OTOGL: variants seen among roughly 807,000 people sequenced by gnomAD.
OTOGL encodes the protein otogelin-like protein.
Under a neutral mutation model 318.5 loss-of-function variants are expected in OTOGL, and 285 were observed. The ratio of observed to expected loss-of-function variants is 0.89; its 90% CI spans 0.81 to 0.99. The LOEUF (loss-of-function observed/expected upper bound fraction) is 0.99, where lower values mean the gene tolerates loss of function less well. OTOGL is among the 50% of genes least tolerant of loss of function. The pLI, the probability that OTOGL is intolerant of heterozygous loss-of-function variation, is 0.00. For missense variants in OTOGL, 2,899 were observed against 2,845.6 expected (o/e 1.02, Z -0.43); for synonymous variants, 987 against 936.5 (o/e 1.05, Z -0.99).
At chr12:80,312,340 C>A (rs1886688827) in intron 30 of OTOGL, among the ~76,000 whole-genome samples, 2 of 152,064 alleles carry the variant, frequency 1.3e-5, no homozygotes, top group East Asian at 3.8e-4. Flanking sequence ...AAGAGATTTG[C>A]AAAAATGTAA....
At chr12:80,198,561 C>T (rs546495257) in intron 1 of OTOGL, among the ~76,000 whole-genome samples, 19 of 152,074 alleles carry the variant, frequency 1.2e-4, no homozygotes, top group Admixed American at 5.9e-4. Context: ...TCCAGCTTGG[C>T]GACAGAGCAA....
At chr12:80,191,128 T>C (rs1157500336) in intron 1 of OTOGL, among the ~76,000 whole-genome samples, 1 of 152,184 alleles carries the variant, frequency 6.6e-6, no homozygotes, top group African/African-American at 2.4e-5. Flanking sequence ...TTATTTTTCA[T>C]ATTGTGACTT....
Position 80,352,424 on chromosome 12 carries a change from C to G in OTOGL, c.5395C>G (p.Pro1799Ala), listed in dbSNP as rs532837612. The change falls in exon 45 of 59, where the codon CCT (proline) becomes GCT (alanine). Residue 1799 changes from proline to alanine, a missense_variant. Physicochemically the swap from Pro to Ala is conservative, Grantham distance 27. Transcript: ENST00000547103. ...KFDICIQWRTPDYCSLSCPEG... is the reference protein window; with the variant it reads ...KFDICIQWRTADYCSLSCPEG... ...TGATATCTGTATTCAGTGGAGAACA[C>G]CTGATTACTGCTGTGAGTAACTGTT... The G allele has an allele frequency of 9.4e-6, 15 of 1,596,304 alleles. No homozygotes were observed. Among genetic ancestry groups the G allele is most frequent in the Non-Finnish European group, 8.5e-7 (1 of 1,174,160 alleles).
intron 26 of OTOGL, among the ~76,000 whole-genome samples, chr12:80,282,842 A>G (rs905463543): frequency 4.6e-5 from 7 of 151,834 alleles, no homozygotes; most frequent in African/African-American, 1.7e-4. Flanking sequence ...CTTTCTGGAT[A>G]TTATGATTCT....
chr12:80,377,554 C>T (rs1395329048), intron 58 of OTOGL, among the ~76,000 whole-genome samples: 1 of 152,060 alleles, frequency 6.6e-6, no homozygotes, highest in Non-Finnish European at 1.5e-5. Flanking sequence ...TGATATGACA[C>T]AGGTTACAAT....
At chr12:80,323,942 A>G (rs1382066761) in intron 35 of OTOGL, 102 bp downstream of exon 35, 28 of 789,010 alleles carry the variant, frequency 3.5e-5, no homozygotes, top group Non-Finnish European at 5.8e-5. Flanking sequence ...CTCAAGTTGT[A>G]TATGCTATAT....
intron 1 of OTOGL, among the ~76,000 whole-genome samples, chr12:80,139,803 G>A (rs1210894202): frequency 6.6e-6 from 1 of 152,094 alleles, no homozygotes; most frequent in African/African-American, 2.4e-5. Flanking sequence ...ATTATGCCTA[G>A]GAGTAGTGTG....
chr12:80,376,987 T>C, intron 57 of OTOGL, 136 bp from the exon 58 acceptor site: 1 of 521,122 alleles, frequency 1.9e-6, no homozygotes, highest in South Asian at 5.2e-5. Flanking sequence ...AGAGAGAAGT[T>C]TTAAATATCT....
intron 1 of OTOGL, among the ~76,000 whole-genome samples, chr12:80,138,516 T>A (rs1349138486): frequency 6.6e-6 from 1 of 152,128 alleles, no homozygotes; most frequent in Non-Finnish European, 1.5e-5. Flanking sequence ...TTAATAGGAA[T>A]GGGGAGAGTG....
At chr12:80,232,687 TG>T (rs1879475597) in intron 8 of OTOGL, among the ~76,000 whole-genome samples, 1 of 152,238 alleles carries the variant, frequency 6.6e-6, no homozygotes, top group Non-Finnish European at 1.5e-5. Flanking sequence ...GCATCATTTT[TG>T]TTGTGTCTTT....
At chr12:80,273,754 C>A (rs1883586286) in intron 24 of OTOGL, among the ~76,000 whole-genome samples, 1 of 152,024 alleles carries the variant, frequency 6.6e-6, no homozygotes, top group East Asian at 1.9e-4. Context: ...TGTGTGGCAA[C>A]CCTGCATCAA....
intron 1 of OTOGL, among the ~76,000 whole-genome samples, chr12:80,101,105 G>A (rs1194215381): frequency 1.3e-5 from 2 of 152,148 alleles, no homozygotes; most frequent in East Asian, 3.9e-4. Flanking sequence ...TTAAAAAAGT[G>A]AGCTTCTGTT....
rs1217365799 is a variant in OTOGL at position 80,336,492 on chromosome 12, T to C, written c.4680T>C (p.Tyr1560=). 6.2e-7 allele frequency: 1 copy of C among 1,608,502 alleles called. No individual in the cohort carries two copies. The highest frequency in any genetic ancestry group is 8.5e-7 in the Non-Finnish European group (1 of 1,175,480). Residue 1560 remains tyrosine (Y), a synonymous_variant, in exon 40 of 59, where the codon TAT becomes TAC. Coordinates refer to ENST00000547103, the MANE Select transcript of OTOGL (RefSeq NM_001378609.3). The part of the protein sequence containing the change: ...NNAALYSMAS[Y]ILVRIPGEII... ...CAGCATTATATAGCATGGCTTCTTATATCTTAGTAAGAATTCCTGGTGAAA... is the reference window on the plus strand; with the variant it reads ...CAGCATTATATAGCATGGCTTCTTACATCTTAGTAAGAATTCCTGGTGAAA...
intron 9 of OTOGL, among the ~76,000 whole-genome samples, chr12:80,237,630 G>A (rs193147929): frequency 6.6e-6 from 1 of 152,262 alleles, no homozygotes; most frequent in East Asian, 1.9e-4. Context: ...GAAGATATAT[G>A]AGGGGCAGAG....
chr12:80,352,495 C>T, intron 45 of OTOGL, 59 bp downstream of exon 45: 2 of 1,326,864 alleles, frequency 1.5e-6, no homozygotes, highest in Non-Finnish European at 2.0e-6. Context: ...TTTGCAATCA[C>T]TTCTTTCCTT....
intron 44 of OTOGL, among the ~76,000 whole-genome samples, chr12:80,345,025 TA>T (rs1254770925): frequency 1.1e-5 from 1 of 92,894 alleles, no homozygotes; most frequent in Non-Finnish European, 2.4e-5. Flanking sequence ...TATTATATTT[TA>T]TATATTATAA....
Position 80,369,446 on chromosome 12 carries a change from T to A in OTOGL, c.6616-1124T>A, listed in dbSNP as rs570161847. Among the ~76,000 whole-genome samples, 15 of 152,226 alleles carry A rather than the reference T, an allele frequency of 9.9e-5. No individual in the cohort carries two copies. In the South Asian group the frequency reaches 3.1e-3, roughly 32 times the overall value. On this transcript the variant is annotated intron_variant, in intron 55 of 58. Transcript: ENST00000547103. ...ATTTAGGACATGCTTACACTTTCCTTAAGTGCTTTTAAGAGTGTAGCAGTT... is the reference window on the plus strand; with the variant it reads ...ATTTAGGACATGCTTACACTTTCCTAAAGTGCTTTTAAGAGTGTAGCAGTT...
chr12:80,294,270 G>A (rs894343621), intron 26 of OTOGL, among the ~76,000 whole-genome samples: 2 of 151,628 alleles, frequency 1.3e-5, no homozygotes, highest in Non-Finnish European at 2.9e-5. Flanking sequence ...GAAATTGTAA[G>A]ACAAAGCATA....
At position 80,251,550 on chromosome 12, in the gene OTOGL, T is replaced by C. The variant is rs1167749809; in HGVS notation, c.1053-143T>C. The C allele has an allele frequency of 2.1e-5, 12 of 582,098 alleles. No homozygotes were observed. The Admixed American group carries it at 3.7e-4, about 18-fold the overall frequency. The allele number at this position is 582,098 out of a possible 1,614,324, so 36.1% of individuals were successfully genotyped here. ...CTGCATTGTTGTACTTAATAAGATA[T>C]ATTATGAGTGACACATATGCTGACA... On this transcript the variant is annotated intron_variant, in intron 11 of 58. Coordinates refer to ENST00000547103, the MANE Select transcript of OTOGL (RefSeq NM_001378609.3).
Sources: gnomAD v4.1 joint callset for allele counts (sites outside exome capture counted in the v4.1 genomes callset) on GRCh38, gnomAD v4.1.1 for gene constraint, MANE v1.5 for transcripts, NCBI Gene and HGNC (gene_info 2026-07-23, HGNC 2026-07-21) for gene names.